Variants in PCGF3 observed in about 807,000 individuals in gnomAD.
PCGF3 encodes the protein polycomb group RING finger protein 3.
In PCGF3, 7 loss-of-function variants were observed where a neutral mutation model predicts 33.1. That is an observed-to-expected ratio of 0.21 (90% CI 0.12 to 0.40). The LOEUF (loss-of-function observed/expected upper bound fraction) is 0.40. Among genes scored for constraint, PCGF3 ranks in the 10% least tolerant of loss-of-function variants. The pLI, the probability that PCGF3 is intolerant of heterozygous loss-of-function variation, is 1.00. For synonymous variants in PCGF3, 153 were observed against 121.3 expected (o/e 1.26, Z -1.72); for missense variants, 211 against 313.3 (o/e 0.67, Z 2.46).
chr4:748,802 C>T (rs145487109), intron 8 of PCGF3, among the ~76,000 whole-genome samples: 37 of 152,050 alleles, frequency 2.4e-4, no homozygotes, highest in South Asian at 6.2e-4. Flanking sequence ...GTCTCGTCTG[C>T]GCGGAGGCCC....
rs1240766810 is a variant in PCGF3 at position 708,628 on chromosome 4, A to C, written c.-190+2658A>C. Among the ~76,000 whole-genome samples the C allele has an allele frequency of 2.0e-5, 3 of 152,134 alleles. No homozygotes were observed. In the South Asian group the frequency reaches 6.2e-4, roughly 32 times the overall value. On this transcript the variant is annotated intron_variant, in intron 1 of 10. Coordinates refer to ENST00000362003, the Ensembl canonical transcript of PCGF3. Reference sequence around the variant, plus strand: ...AGGCTGGCACTGCACCCTCCCACTCAGCCCCTCGTCCGGGGCTGCTGTCCT... The same window carrying C: ...AGGCTGGCACTGCACCCTCCCACTCCGCCCCTCGTCCGGGGCTGCTGTCCT...
Position 764,968 on chromosome 4 carries a change from C to T in PCGF3, c.601-16C>T, listed in dbSNP as rs759135328. Reference sequence around the variant, plus strand: ...GAGCACCTCTCCGCTGCTAATCAAACCTCCTTATCCCCCAGCTGGACATTT... The same window carrying T: ...GAGCACCTCTCCGCTGCTAATCAAATCTCCTTATCCCCCAGCTGGACATTT... On this transcript the variant is annotated splice_polypyrimidine_tract_variant and intron_variant, in intron 9 of 10. Transcript: ENST00000362003. 8.7e-6 allele frequency: 14 copies of T among 1,606,870 alleles called. No individual in the cohort carries two copies. Among genetic ancestry groups the T allele is most frequent in the East Asian group, 2.2e-5 (1 of 44,844 alleles).
At chr4:723,119 T>TCAC (rs1743184526) in intron 1 of PCGF3, among the ~76,000 whole-genome samples, 2 of 127,412 alleles carry the variant, frequency 1.6e-5, no homozygotes, top group African/African-American at 6.5e-5. Context: ...GTCATCGCCG[T>TCAC]CCGTGCCGGG....
intron 10 of PCGF3, 90 bp downstream of exon 10, chr4:765,154 C>G (rs1248112993): frequency 2.2e-6 from 2 of 918,994 alleles, no homozygotes; most frequent in African/African-American, 3.2e-5. Context: ...ATGACTCCAG[C>G]TGGGTGCAGT....
Position 754,776 on chromosome 4 carries a change from C to T in PCGF3, c.463-6503C>T, listed in dbSNP as rs547973051. ...TTATCCCCAGAGGGTTGCCACTTAG[C>T]GCAGCTGCTCTGCAGTGAGCTGCCT... On this transcript the variant is annotated intron_variant, in intron 8 of 10. Transcript: ENST00000362003. Among the ~76,000 whole-genome samples the T allele has an allele frequency of 2.1e-3, 326 of 152,292 alleles. 2 individuals carry two copies. Among genetic ancestry groups the T allele is most frequent in the African/African-American group, 7.3e-3 (303 of 41,562 alleles).
intron 9 of PCGF3, chr4:762,857 A>G (rs1745139999): frequency 6.6e-6 from 1 of 152,296 alleles, no homozygotes; most frequent in South Asian, 2.1e-4. Context: ...AGAGAAAGCC[A>G]CAATAAGTTG....
At chr4:761,903 G>T (rs1745081337) in intron 9 of PCGF3, 3 of 985,456 alleles carry the variant, frequency 3.0e-6, no homozygotes, top group African/African-American at 3.5e-5. Context: ...CGCCAGCAGG[G>T]TCCAGCTTTG....
intron 8 of PCGF3, 127 bp from the exon 9 acceptor site, chr4:761,152 C>A: frequency 3.3e-6 from 2 of 612,322 alleles, no homozygotes; most frequent in Non-Finnish European, 5.2e-6. Flanking sequence ...GAAGTCAAAG[C>A]AGATGTCTGA....
intron 8 of PCGF3, among the ~76,000 whole-genome samples, chr4:760,311 C>T (rs962781194): frequency 6.6e-6 from 1 of 152,092 alleles, no homozygotes; most frequent in Non-Finnish European, 1.5e-5. Context: ...TTCTCTTAGC[C>T]TTCCTTTTAT....
At chr4:736,071 T>C (rs1444676298) in intron 5 of PCGF3, among the ~76,000 whole-genome samples, 1 of 152,106 alleles carries the variant, frequency 6.6e-6, no homozygotes, top group African/African-American at 2.4e-5. Context: ...TTTCTTGAGA[T>C]GGAGTCTTGC....
At chr4:761,821 G>C in intron 9 of PCGF3, 5 of 985,458 alleles carry the variant, frequency 5.1e-6, no homozygotes, top group Non-Finnish European at 6.0e-6. Context: ...GGCCTTGGCA[G>C]CGGGCGCACC....
chr4:764,892 A>AG (rs1480002686), intron 9 of PCGF3, 92 bp from the exon 10 acceptor site: 2 of 799,704 alleles, frequency 2.5e-6, no homozygotes, highest in Non-Finnish European at 4.3e-6. Context: ...ATGATTGGGG[A>AG]GGGGCTGCAG....
intron 8 of PCGF3, among the ~76,000 whole-genome samples, chr4:760,597 T>TAAA (rs971393442): frequency 6.6e-6 from 1 of 152,252 alleles, no homozygotes; most frequent in African/African-American, 2.4e-5. Context: ...ACTGCATTTT[T>TAAA]AGGCCCTAAC....
rs1356281128 is a variant in PCGF3, at chr4:720,580, G to A, written c.-189-10050G>A. On this transcript the variant is annotated intron_variant, in intron 1 of 10. Coordinates refer to ENST00000362003, the Ensembl canonical transcript of PCGF3. This position sits in a 1 kb window ranked among gnomAD's most constrained non-coding sequence, Gnocchi z 5.6. ...AGCCCCGACGTGAACAGGACCCCAC[G>A]TGGACGGGCAGTGACGTGCGTGTGG... Among the ~76,000 whole-genome samples, 3 of 150,424 alleles carry A rather than the reference G, an allele frequency of 2.0e-5. No individual in the cohort carries two copies. The East Asian group carries it at 5.9e-4, about 30-fold the overall frequency.
chr4:744,544 T>A (rs1053392747), intron 7 of PCGF3, 56 bp from the exon 8 acceptor site: 2 of 1,358,750 alleles, frequency 1.5e-6, no homozygotes, highest in Non-Finnish European at 2.1e-6. Flanking sequence ...TGTAGTTTTT[T>A]AAATGGCTTG....
chr4:728,663 TCTTC>T (rs774629049), intron 1 of PCGF3, among the ~76,000 whole-genome samples: 37 of 152,338 alleles, frequency 2.4e-4, no homozygotes, highest in Non-Finnish European at 4.7e-4. Context: ...TTATTGTCTG[TCTTC>T]CTTCATTAGA....
chr4:717,797 G>A lies in PCGF3; in HGVS notation c.-190+11827G>A, dbSNP rs984089688. Among the ~76,000 whole-genome samples the A allele has an allele frequency of 4.6e-5, 7 of 152,248 alleles. 1 individual carries two copies. The highest frequency in any genetic ancestry group is 1.3e-4 in the Admixed American group (2 of 15,290). ...ACAGGGCGCCCTGAGCGAGAGGGCC[G>A]AGAATGTCCTGCGGTGATTGAGGAG... On this transcript the variant is annotated intron_variant, in intron 1 of 10. Coordinates refer to ENST00000362003, the Ensembl canonical transcript of PCGF3.
chr4:743,747 A>C (rs935161698), intron 7 of PCGF3, 163 bp downstream of exon 7: 46 of 550,366 alleles, frequency 8.4e-5, no homozygotes, highest in Non-Finnish European at 1.2e-4. Flanking sequence ...GTTCCTCCTC[A>C]CTCCTGGTAC....
chr4:757,630 T>A (rs1560216680), intron 8 of PCGF3: 1 of 152,338 alleles, frequency 6.6e-6, no homozygotes, highest in Non-Finnish European at 1.5e-5. Context: ...AAAATCAAAC[T>A]TTTTTAGCTG....
Sources: allele counts gnomAD v4.1 joint callset (sites outside exome capture counted in the v4.1 genomes callset), GRCh38; gene constraint gnomAD v4.1.1; non-coding constraint Gnocchi (gnomAD v3.1); transcripts MANE v1.5; gene names NCBI Gene and HGNC (gene_info 2026-07-23, HGNC 2026-07-21).